Variants in LRCH1 observed in about 807,000 individuals in gnomAD.
The protein encoded by LRCH1 is leucine-rich repeat and calponin homology domain-containing protein 1.
Under a neutral mutation model 94.9 loss-of-function variants are expected in LRCH1, and 23 were observed. The observed-to-expected ratio is 0.24, with a 90% CI of 0.17 to 0.34. The LOEUF is 0.34. Ranked by LOEUF, LRCH1 falls within the 10% of genes least tolerant of loss-of-function variation. The probability of loss-of-function intolerance (pLI) is 1.00; values close to 1 mark genes in which losing one functional copy is unlikely to be tolerated. For missense variants in LRCH1, 790 were observed against 945.9 expected (o/e 0.84, Z 2.16); for synonymous variants, 364 against 354.9 (o/e 1.03, Z -0.29).
At chr13:46,711,964 A>C in intron 14 of LRCH1, 120 bp downstream of exon 14, 1 of 717,824 alleles carries the variant, frequency 1.4e-6, no homozygotes, top group Non-Finnish European at 2.3e-6. Context: ...TCTTTGGGGG[A>C]ATCCGTCTAA....
chr13:46,553,229 C>T lies in LRCH1; in HGVS notation c.-168C>T, dbSNP rs2050018335. 29 of 501,056 alleles carry T rather than the reference C, an allele frequency of 5.8e-5. 4 individuals are homozygous for T. The East Asian group carries it at 1.1e-3, about 19-fold the overall frequency. The allele number at this position is 501,056 out of a possible 1,614,324, so 31.0% of individuals were successfully genotyped here. On this transcript the variant is annotated 5_prime_UTR_variant, in exon 1 of 20. Transcript: ENST00000389797. ...AAGACCGAGCTGCCACGGCCGCCTC[C>T]CCGCCCGCCCCCCATTCTACGCGCC...
intron 5 of LRCH1, among the ~76,000 whole-genome samples, chr13:46,687,269 T>C (rs1870669979): frequency 6.6e-6 from 1 of 152,236 alleles, no homozygotes; most frequent in African/African-American, 2.4e-5. Flanking sequence ...ATATATTCCT[T>C]ATTTGAATGT....
intron 19 of LRCH1, among the ~76,000 whole-genome samples, chr13:46,736,319 G>A (rs1873383955): frequency 6.6e-6 from 1 of 152,086 alleles, no homozygotes; most frequent in South Asian, 2.1e-4. Context: ...CCTATTGCAA[G>A]GCAACTGGCA....
intron 1 of LRCH1, among the ~76,000 whole-genome samples, chr13:46,605,348 C>T (rs970439350): frequency 1.2e-4 from 18 of 152,292 alleles, no homozygotes; most frequent in African/African-American, 4.3e-4. Context: ...TTCCATGCTA[C>T]TTTATATATT....
At chr13:46,593,422 G>A (rs2050524257) in intron 1 of LRCH1, among the ~76,000 whole-genome samples, 3 of 151,552 alleles carry the variant, frequency 2.0e-5, no homozygotes, top group South Asian at 2.1e-4. Flanking sequence ...TAGCTGATTC[G>A]GTCGTGCTGG....
intron 19 of LRCH1, among the ~76,000 whole-genome samples, chr13:46,736,010 T>C (rs1873363146): frequency 6.6e-6 from 1 of 152,072 alleles, no homozygotes; most frequent in Admixed American, 6.5e-5. Flanking sequence ...TTGGCCAGGC[T>C]GGTCGCGAAC....
chr13:46,675,904 G>T (rs1422188145), intron 3 of LRCH1, among the ~76,000 whole-genome samples: 1 of 152,194 alleles, frequency 6.6e-6, no homozygotes, highest in Non-Finnish European at 1.5e-5. Flanking sequence ...AAAAGACACT[G>T]GTGTTGAAAG....
intron 1 of LRCH1, among the ~76,000 whole-genome samples, chr13:46,571,563 ACT>A (rs753058154): frequency 2.4e-4 from 37 of 152,018 alleles, no homozygotes; most frequent in Middle Eastern, 3.4e-3. Context: ...TGCTGTGAAC[ACT>A]CTCCCAGAAT....
At chr13:46,607,528 A>G (rs1288226472) in intron 1 of LRCH1, among the ~76,000 whole-genome samples, 1 of 152,174 alleles carries the variant, frequency 6.6e-6, no homozygotes, top group Non-Finnish European at 1.5e-5. Context: ...TGCATAAATG[A>G]TGAATAAATA....
At chr13:46,583,485 AG>A (rs1488248167) in intron 1 of LRCH1, among the ~76,000 whole-genome samples, 1 of 152,194 alleles carries the variant, frequency 6.6e-6, no homozygotes, top group Admixed American at 6.5e-5. Flanking sequence ...TAACTTGGAA[AG>A]CTCCTAACTC....
At chr13:46,614,958 C>T (rs1404308306) in intron 1 of LRCH1, among the ~76,000 whole-genome samples, 1 of 152,192 alleles carries the variant, frequency 6.6e-6, no homozygotes, top group African/African-American at 2.4e-5. Flanking sequence ...CACGGCCACC[C>T]CACCTTAGAC....
intron 1 of LRCH1, among the ~76,000 whole-genome samples, chr13:46,589,116 A>G (rs2050469364): frequency 6.6e-6 from 1 of 152,126 alleles, no homozygotes; most frequent in Non-Finnish European, 1.5e-5. Context: ...AGCTCACTGC[A>G]GCCTCGAACT....
At chr13:46,661,660 T>C (rs143127101) in intron 2 of LRCH1, among the ~76,000 whole-genome samples, 7 of 152,338 alleles carry the variant, frequency 4.6e-5, no homozygotes, top group African/African-American at 1.4e-4. Flanking sequence ...ATTCATTTCC[T>C]TGGAGGGATG....
intron 1 of LRCH1, among the ~76,000 whole-genome samples, chr13:46,609,043 C>A (rs529336916): frequency 5.9e-5 from 9 of 152,262 alleles, no homozygotes; most frequent in African/African-American, 2.2e-4. Context: ...CAAGCAGCCT[C>A]CACCCAGGCA....
chr13:46,650,135 G>A (rs1389084142), intron 1 of LRCH1, 66 bp from the exon 2 acceptor site: 6 of 1,135,800 alleles, frequency 5.3e-6, no homozygotes, highest in Non-Finnish European at 7.7e-6. Flanking sequence ...CAGTGTTTGT[G>A]GTTAATAAAA....
intron 2 of LRCH1, among the ~76,000 whole-genome samples, chr13:46,654,167 T>C (rs1385649718): frequency 6.6e-6 from 1 of 152,216 alleles, no homozygotes; most frequent in East Asian, 1.9e-4. Context: ...TTGAGTAGTA[T>C]CATCCACATG....
intron 1 of LRCH1, among the ~76,000 whole-genome samples, chr13:46,593,283 CTTTTTTT>C (rs34821427): frequency 1.1e-5 from 1 of 92,202 alleles, no homozygotes; most frequent in Non-Finnish European, 2.1e-5. Context: ...TCTTTCTTTC[CTTTTTTT>C]TTTTTTTTTT....
chr13:46,658,427 C>T (rs2051403935), intron 2 of LRCH1, among the ~76,000 whole-genome samples: 1 of 152,142 alleles, frequency 6.6e-6, no homozygotes, highest in Admixed American at 6.5e-5. Context: ...CACTCCCAGG[C>T]TTTTCTACTT....
intron 2 of LRCH1, among the ~76,000 whole-genome samples, chr13:46,651,982 G>A (rs1185480570): frequency 6.9e-6 from 1 of 144,116 alleles, no homozygotes; most frequent in Non-Finnish European, 1.5e-5. Flanking sequence ...CCGCCTCCCG[G>A]GTTCACGCCA....
Sources: gnomAD v4.1 joint callset for allele counts (sites outside exome capture counted in the v4.1 genomes callset) on GRCh38, gnomAD v4.1.1 for gene constraint, MANE v1.5 for transcripts, NCBI Gene and HGNC (gene_info 2026-07-23, HGNC 2026-07-21) for gene names.